Variants in CFAP299 observed in about 807,000 individuals in gnomAD.
The protein encoded by CFAP299 is cilia and flagella associated protein 299.
Under a neutral mutation model 27.0 loss-of-function variants are expected in CFAP299, and 21 were observed. The ratio of observed to expected loss-of-function variants is 0.78; its 90% confidence interval spans 0.55 to 1.12. The LOEUF (loss-of-function observed/expected upper bound fraction) is 1.12, where lower values mean the gene tolerates loss of function less well. CFAP299 is among the 50% of genes most tolerant of loss of function. CFAP299 has a pLI of 0.00. For synonymous variants in CFAP299, 104 were observed against 98.1 expected (o/e 1.06, Z -0.36); for missense variants, 310 against 276.6 (o/e 1.12, Z -0.86).
intron 3 of CFAP299, among the ~76,000 whole-genome samples, chr4:80,731,840 C>T (rs1275937095): frequency 2.6e-5 from 4 of 152,046 alleles, no homozygotes; most frequent in Non-Finnish European, 5.9e-5. Context: ...TCTAGAAAAT[C>T]CCTGATTTAA....
intron 3 of CFAP299, among the ~76,000 whole-genome samples, chr4:80,586,299 T>C (rs2109877303): frequency 6.6e-6 from 1 of 152,202 alleles, no homozygotes; most frequent in East Asian, 1.9e-4. Flanking sequence ...GCTAAAGCTA[T>C]AATTGTGAAT....
intron 2 of CFAP299, among the ~76,000 whole-genome samples, chr4:80,491,846 T>C (rs1578508878): frequency 6.6e-6 from 1 of 152,344 alleles, no homozygotes; most frequent in South Asian, 2.1e-4. Flanking sequence ...CTGTTCTTTC[T>C]GAGAGAAAAT....
chr4:80,942,505 TAATC>T (rs1312644992), intron 4 of CFAP299, among the ~76,000 whole-genome samples: 1 of 152,126 alleles, frequency 6.6e-6, no homozygotes, highest in Non-Finnish European at 1.5e-5. Context: ...ATACTAATAA[TAATC>T]AGCTACTATA....
At chr4:80,391,083 ACT>A (rs1725457313) in intron 2 of CFAP299, among the ~76,000 whole-genome samples, 1 of 151,812 alleles carries the variant, frequency 6.6e-6, no homozygotes, top group Non-Finnish European at 1.5e-5. Flanking sequence ...ACATATATAC[ACT>A]CACACATATA....
intron 3 of CFAP299, among the ~76,000 whole-genome samples, chr4:80,774,043 A>G (rs1054385112): frequency 2.0e-5 from 3 of 151,992 alleles, no homozygotes; most frequent in African/African-American, 7.2e-5. Context: ...ATTTTAGTTT[A>G]TGTTCGGCTG....
At chr4:80,369,941 G>T (rs1284735006) in intron 2 of CFAP299, among the ~76,000 whole-genome samples, 1 of 152,140 alleles carries the variant, frequency 6.6e-6, no homozygotes, top group Non-Finnish European at 1.5e-5. Context: ...TCTATACAAT[G>T]GGTATATCAG....
chr4:80,390,444 G>C (rs116042827), intron 2 of CFAP299, among the ~76,000 whole-genome samples: 2,089 of 149,626 alleles, frequency 0.014, 54 homozygotes, highest in African/African-American at 0.048. Flanking sequence ...CAGATGATAG[G>C]ATTTTCTTCA....
At chr4:80,853,127 T>G (rs552719100) in intron 3 of CFAP299, among the ~76,000 whole-genome samples, 6 of 152,154 alleles carry the variant, frequency 3.9e-5, no homozygotes, top group African/African-American at 1.4e-4. Flanking sequence ...GCCTCCAGGA[T>G]TCAATTAATT....
intron 3 of CFAP299, among the ~76,000 whole-genome samples, chr4:80,725,273 G>A (rs1157055395): frequency 6.6e-6 from 1 of 151,600 alleles, no homozygotes; most frequent in South Asian, 2.1e-4. Context: ...TTATATTCTA[G>A]ATGAATGACT....
intron 2 of CFAP299, among the ~76,000 whole-genome samples, chr4:80,491,389 T>C (rs191579154): frequency 6.6e-6 from 1 of 152,226 alleles, no homozygotes; most frequent in East Asian, 1.9e-4. Context: ...TTTAAAAAAA[T>C]TATTTTCTGG....
chr4:80,571,034 A>G (rs577715490), intron 2 of CFAP299, among the ~76,000 whole-genome samples: 3 of 152,268 alleles, frequency 2.0e-5, no homozygotes, highest in African/African-American at 7.2e-5. Context: ...AGGGGTACAT[A>G]CTTAAGTGAT....
chr4:80,849,937 A>T (rs1254635999), intron 3 of CFAP299, among the ~76,000 whole-genome samples: 2 of 152,194 alleles, frequency 1.3e-5, no homozygotes, highest in South Asian at 4.1e-4. Context: ...AGATTTGATC[A>T]TTACACAATG....
intron 4 of CFAP299, among the ~76,000 whole-genome samples, chr4:80,896,132 C>G (rs75882084): frequency 0.023 from 3,519 of 152,050 alleles, 71 homozygotes; most frequent in Middle Eastern, 0.058. Context: ...AGTACATGCT[C>G]TCTTACATGT....
At chr4:80,678,617 C>T (rs1171663787) in intron 3 of CFAP299, among the ~76,000 whole-genome samples, 1 of 151,974 alleles carries the variant, frequency 6.6e-6, no homozygotes, top group African/African-American at 2.4e-5. Context: ...AATCCTGCTG[C>T]CATAACCACT....
At chr4:80,372,340 G>A (rs1724187137) in intron 2 of CFAP299, among the ~76,000 whole-genome samples, 3 of 152,206 alleles carry the variant, frequency 2.0e-5, no homozygotes, top group Admixed American at 2.0e-4. Context: ...AGTTTGGCAT[G>A]AGACTTGGTG....
At chr4:80,800,971 G>C (rs1728555300) in intron 3 of CFAP299, among the ~76,000 whole-genome samples, 1 of 151,072 alleles carries the variant, frequency 6.6e-6, no homozygotes, top group Admixed American at 6.7e-5. Flanking sequence ...GATCAGTCTA[G>C]CCTTTTCATG....
intron 3 of CFAP299, among the ~76,000 whole-genome samples, chr4:80,669,993 T>A (rs1741385420): frequency 6.6e-6 from 1 of 152,086 alleles, no homozygotes; most frequent in East Asian, 1.9e-4. Flanking sequence ...TTTTTTTTCA[T>A]TTTTTAAAAA....
intron 2 of CFAP299, among the ~76,000 whole-genome samples, chr4:80,434,068 C>T (rs1723573717): frequency 1.3e-5 from 2 of 152,076 alleles, no homozygotes; most frequent in African/African-American, 4.8e-5. Context: ...AAAAGATAAG[C>T]TGTAAATTTA....
chr4:80,792,879 T>C (rs146784041), intron 3 of CFAP299, among the ~76,000 whole-genome samples: 114 of 152,236 alleles, frequency 7.5e-4, no homozygotes, highest in African/African-American at 2.3e-3. Flanking sequence ...AGCTTGGTCT[T>C]TCCATAATGT....
Sources: allele counts gnomAD v4.1 joint callset (sites outside exome capture counted in the v4.1 genomes callset), GRCh38; gene constraint gnomAD v4.1.1; transcripts MANE v1.5; gene names NCBI Gene and HGNC (gene_info 2026-07-23, HGNC 2026-07-21).